SNRPN: variants seen among roughly 807,000 people sequenced by gnomAD.
SNRPN encodes small nuclear ribonucleoprotein-associated protein N.
SNRPN carries 7 observed loss-of-function variants against 25.2 expected under a neutral mutation model. The ratio of observed to expected loss-of-function variants is 0.28; its 90% CI spans 0.16 to 0.52. SNRPN has a LOEUF of 0.52. Among genes scored for constraint, SNRPN ranks in the 20% least tolerant of loss-of-function variants. The pLI is 0.96. For missense variants in SNRPN, 196 were observed against 322.5 expected, an observed-to-expected ratio of 0.61 and a Z score of 3.00; for synonymous variants, 124 against 110.6, an observed-to-expected ratio of 1.12 and a Z score of -0.76.
intron 3 of SNRPN, among the ~76,000 whole-genome samples, chr15:24,940,554 T>C (rs2061489198): frequency 1.3e-5 from 2 of 152,202 alleles, no homozygotes; most frequent in African/African-American, 4.8e-5. Flanking sequence ...CTATTCCAGT[T>C]GTCTATGTTT....
chr15:24,876,499 C>A (rs1480369189), intron 1 of SNRPN, among the ~76,000 whole-genome samples: 3 of 151,726 alleles, frequency 2.0e-5, no homozygotes, highest in African/African-American at 7.3e-5. Context: ...CGCCTGTAAT[C>A]CAAGCTACTC....
At chr15:24,927,025 T>TA (rs1221422221) in intron 3 of SNRPN, among the ~76,000 whole-genome samples, 4 of 151,750 alleles carry the variant, frequency 2.6e-5, no homozygotes, top group Admixed American at 1.3e-4. Context: ...AAGAATATTT[T>TA]AAAAAAAACC....
At chr15:24,907,864 C>G (rs1349844736) in intron 2 of SNRPN, among the ~76,000 whole-genome samples, 1 of 151,734 alleles carries the variant, frequency 6.6e-6, no homozygotes, top group East Asian at 2.0e-4. Flanking sequence ...ACCAGCCTGT[C>G]CAACACAGTG....
Position 24,929,341 on chromosome 15 carries a change from C to T in SNRPN, c.-391+9217C>T, listed in dbSNP as rs1003166963. On this transcript the variant is annotated intron_variant, in intron 3 of 11. Transcript: ENST00000400097. The surrounding 1 kb of genome is among the most constrained non-coding windows in gnomAD (Gnocchi z 5.3). ...TTTCTGTTTCATCTCTTTCCCTACT[C>T]TCCCCCTTGCCTCCTAGGGTCCCCT... 6.6e-6 allele frequency among the ~76,000 whole-genome samples: 1 copy of T among 152,166 alleles called. No homozygotes were observed. Among genetic ancestry groups the T allele is most frequent in the African/African-American group, 2.4e-5 (1 of 41,448 alleles).
At chr15:24,920,857 G>A (rs201953985) in intron 3 of SNRPN, among the ~76,000 whole-genome samples, 1 of 152,206 alleles carries the variant, frequency 6.6e-6, no homozygotes, top group African/African-American at 2.4e-5. Context: ...GCAGTGAAGC[G>A]AAGCTCAGAC....
upstream of SNRPN, among the ~76,000 whole-genome samples, chr15:24,951,827 T>C (rs973357309): frequency 4.6e-5 from 7 of 152,202 alleles, no homozygotes; most frequent in Non-Finnish European, 8.8e-5. Flanking sequence ...CACTTCTTTA[T>C]ACATTCTGGA....
upstream of SNRPN, chr15:24,851,935 C>T: frequency 6.6e-6 from 1 of 152,186 alleles, no homozygotes; most frequent in South Asian, 2.1e-4. Context: ...TTGTGCGTCT[C>T]AGATGATGAC....
intron 1 of SNRPN, among the ~76,000 whole-genome samples, chr15:24,860,349 G>GA (rs2053883245): frequency 6.6e-6 from 1 of 152,104 alleles, no homozygotes; most frequent in African/African-American, 2.4e-5. Context: ...ATTTAGTGAA[G>GA]AAAAGAGATA....
At chr15:24,845,334 C>G (rs973159623) in intron 2 of SNRPN, among the ~76,000 whole-genome samples, 1 of 152,214 alleles carries the variant, frequency 6.6e-6, no homozygotes, top group East Asian at 1.9e-4. Context: ...TGCGGTGGCT[C>G]ACGCCTGTAA....
intron 2 of SNRPN, among the ~76,000 whole-genome samples, chr15:24,888,327 C>T (rs184945637): frequency 1.1e-4 from 16 of 152,094 alleles, no homozygotes; most frequent in African/African-American, 2.7e-4. Context: ...AGGCTGGTCT[C>T]GAACTCCAGA....
chr15:24,966,620 A>C (rs2075680508), intron 2 of SNRPN, among the ~76,000 whole-genome samples: 1 of 152,118 alleles, frequency 6.6e-6, no homozygotes, highest in Non-Finnish European at 1.5e-5. Flanking sequence ...CTCAGGTGTG[A>C]TCCTAGGGAC....
At chr15:24,945,636 G>A (rs1049049295) in intron 3 of SNRPN, among the ~76,000 whole-genome samples, 2 of 152,146 alleles carry the variant, frequency 1.3e-5, no homozygotes, top group African/African-American at 4.8e-5. Context: ...ACATAGGCAT[G>A]GTAAGAATAT....
chr15:24,969,137 T>A (rs143010931), intron 3 of SNRPN, among the ~76,000 whole-genome samples: 626 of 152,146 alleles, frequency 4.1e-3, no homozygotes, highest in African/African-American at 5.6e-3. Context: ...TTAATTAATT[T>A]ATTTATTTAG....
At chr15:24,914,249 C>T (rs1224929672) in intron 2 of SNRPN, among the ~76,000 whole-genome samples, 1 of 152,158 alleles carries the variant, frequency 6.6e-6, no homozygotes, top group Non-Finnish European at 1.5e-5. Context: ...ATTCTGGCCT[C>T]CCACAAGAGC....
chr15:24,844,558 T>C (rs2052021271), intron 2 of SNRPN, among the ~76,000 whole-genome samples: 1 of 152,100 alleles, frequency 6.6e-6, no homozygotes, highest in Admixed American at 6.6e-5. Flanking sequence ...AGAGTCTGTC[T>C]CTGTCACCCA....
chr15:24,893,723 G>C lies in SNRPN; in HGVS notation c.-505+7134G>C, dbSNP rs1174052229. Among the ~76,000 whole-genome samples the C allele has an allele frequency of 3.3e-5, 5 of 152,040 alleles. No individual in the cohort carries two copies. In the East Asian group the frequency reaches 9.7e-4, roughly 29 times the overall value. ...TTAAAAAAAAATGTACCCGTTACAA[G>C]TGACTTGGAACCAAAATCCATAGAT... On this transcript the variant is annotated intron_variant, in intron 2 of 11. Transcript: ENST00000400097.
rs1206178375 is a variant in SNRPN at position 24,977,792 on chromosome 15, G to A, written c.435G>A (p.Gln145=). 7 of 1,611,316 alleles carry A rather than the reference G, an allele frequency of 4.3e-6. No homozygotes were observed. Among genetic ancestry groups the A allele is most frequent in the Non-Finnish European group, 8.5e-7 (1 of 1,178,746 alleles). ...GGPSQQVMTP[Q]GRGTVAAAAV... ...TGCCTTCTCAGGTAATGACTCCACA[G>A]GGAAGAGGCACTGTAGCAGCTGCTG... is the stretch of plus-strand genomic sequence containing the variant. The change falls in exon 8 of 10, where the codon CAG becomes CAA. Residue 145 remains glutamine (Q), a synonymous_variant. Coordinates refer to ENST00000390687, the MANE Select transcript of SNRPN (RefSeq NM_003097.6).
chr15:24,933,716 G>A (rs937624069), intron 3 of SNRPN, among the ~76,000 whole-genome samples: 1 of 152,256 alleles, frequency 6.6e-6, no homozygotes, highest in Non-Finnish European at 1.5e-5. Flanking sequence ...GGTATAAGGA[G>A]AAACAGAAGA....
At chr15:24,893,245 GAAGAA>G (rs961481992) in intron 2 of SNRPN, among the ~76,000 whole-genome samples, 8 of 151,012 alleles carry the variant, frequency 5.3e-5, no homozygotes, top group Admixed American at 2.0e-4. Context: ...AAACAGAAAA[GAAGAA>G]AAGAAAGTTT....
Sources: allele counts gnomAD v4.1 joint callset (sites outside exome capture counted in the v4.1 genomes callset), GRCh38; gene constraint gnomAD v4.1.1; non-coding constraint Gnocchi (gnomAD v3.1); transcripts MANE v1.5; gene names NCBI Gene and HGNC (gene_info 2026-07-23, HGNC 2026-07-21).